The following MGAM2 variants were observed in gnomAD, a reference collection of about 807,000 sequenced individuals.
The protein encoded by MGAM2 is maltase-glucoamylase 2 (putative).
In MGAM2, 98 loss-of-function variants were observed where a neutral mutation model predicts 96.1. The ratio of observed to expected loss-of-function variants is 1.02; its 90% confidence interval spans 0.87 to 1.21. The LOEUF (loss-of-function observed/expected upper bound fraction) is 1.21, where lower values mean the gene tolerates loss of function less well. MGAM2 is among the 50% of genes most tolerant of loss of function. MGAM2 has a pLI of 0.00. For synonymous variants in MGAM2, 749 were observed against 414.8 expected (o/e 1.81, Z -9.79); for missense variants, 2,055 against 1,182.4 (o/e 1.74, Z -10.82).
intron 35 of MGAM2, 25 bp from the exon 36 acceptor site, chr7:142,187,725 A>T: frequency 1.4e-6 from 1 of 701,728 alleles, no homozygotes; most frequent in Non-Finnish European, 2.6e-6. Flanking sequence ...ACATGACGAG[A>T]TCTTTTTTTG....
chr7:142,132,386 A>G (rs1216246684), intron 6 of MGAM2, among the ~76,000 whole-genome samples: 2 of 143,108 alleles, frequency 1.4e-5, no homozygotes, highest in East Asian at 4.0e-4. Context: ...TATAATTTAT[A>G]TAATATATAA....
rs1242809327 is a variant in MGAM2 at position 142,166,347 on chromosome 7, G to C, written c.2808+94G>C. The C allele has an allele frequency of 1.0e-5, 6 of 574,334 alleles. No individual in the cohort carries two copies. The African/African-American group carries it at 1.1e-4, about 11-fold the overall frequency. The allele number at this position is 574,334 out of a possible 1,614,324, so 35.6% of individuals were successfully genotyped here. A position where few individuals can be genotyped will look rare whatever the true frequency, so the allele number is the denominator to read the frequency against. Reference sequence around the variant, plus strand: ...ATGTCTGTGGCTTGAAGAAAACCAGGACCCTGTGCAACACGCCTTTTGCCA... The same window carrying C: ...ATGTCTGTGGCTTGAAGAAAACCAGCACCCTGTGCAACACGCCTTTTGCCA... On this transcript the variant is annotated intron_variant, in intron 25 of 47. Coordinates refer to ENST00000477922, the MANE Select transcript of MGAM2 (RefSeq NM_001293626.2).
intron 2 of MGAM2, among the ~76,000 whole-genome samples, chr7:142,119,313 T>C (rs2129074036): frequency 6.6e-6 from 1 of 152,290 alleles, no homozygotes; most frequent in East Asian, 1.9e-4. Context: ...ACTAAACCCA[T>C]GAAAGTATAT....
chr7:142,167,131 C>CT (rs1311866913), intron 25 of MGAM2, 137 bp from the exon 26 acceptor site: 1 of 571,530 alleles, frequency 1.7e-6, no homozygotes, highest in East Asian at 2.8e-5. Flanking sequence ...GACTTAACAT[C>CT]TTTTTTAGGG....
Position 142,198,753 on chromosome 7 carries a change from G to A in MGAM2, c.5048+14G>A, listed in dbSNP as rs1307511814. 5 of 702,326 alleles carry A rather than the reference G, an allele frequency of 7.1e-6. No homozygotes were observed. The highest frequency in any genetic ancestry group is 1.3e-5 in the Non-Finnish European group (5 of 384,480). The allele number at this position is 702,326 out of a possible 1,614,324, so 43.5% of individuals were successfully genotyped here. A position where few individuals can be genotyped will look rare whatever the true frequency, so the allele number is the denominator to read the frequency against. The stretch of plus-strand genomic sequence containing the variant: ...CACTCACTCCAGGTGAGGAGAAGAG[G>A]CAATGTCTAACAGCCTCTTGCTATA... On this transcript the variant is annotated intron_variant, in intron 44 of 47. Coordinates refer to ENST00000477922, the MANE Select transcript of MGAM2 (RefSeq NM_001293626.2).
chr7:142,129,242 C>A (rs1028204818), intron 3 of MGAM2, among the ~76,000 whole-genome samples: 4 of 152,174 alleles, frequency 2.6e-5, no homozygotes, highest in Non-Finnish European at 5.9e-5. Context: ...AATGCCTGTA[C>A]CCCATTGTAT....
chr7:142,194,101 C>G (rs4637731), intron 37 of MGAM2, among the ~76,000 whole-genome samples: 65,703 of 151,064 alleles, frequency 0.43, 14,588 homozygotes, highest in East Asian at 0.66. Flanking sequence ...GGCACGATTT[C>G]GACTCACTGC....
chr7:142,207,207 C>T (rs1797428492), intron 45 of MGAM2, among the ~76,000 whole-genome samples: 1 of 151,938 alleles, frequency 6.6e-6, no homozygotes, highest in Non-Finnish European at 1.5e-5. Flanking sequence ...AGGAGTATTT[C>T]AAAGGAGAGG....
At chr7:142,216,407 T>C (rs1245749181) in intron 46 of MGAM2, among the ~76,000 whole-genome samples, 2 of 152,200 alleles carry the variant, frequency 1.3e-5, no homozygotes, top group Non-Finnish European at 2.9e-5. Context: ...AACTTCAAAA[T>C]TCCATTTTTC....
At chr7:142,171,586 T>G (rs1347581468) in intron 28 of MGAM2, 146 bp downstream of exon 28, 1 of 391,770 alleles carries the variant, frequency 2.6e-6, no homozygotes, top group African/African-American at 2.4e-5. Flanking sequence ...ACGTGTCACA[T>G]TCTTTTGTCC....
intron 28 of MGAM2, among the ~76,000 whole-genome samples, chr7:142,171,646 A>ATC (rs1796194359): frequency 5.5e-5 from 5 of 90,864 alleles, no homozygotes; most frequent in African/African-American, 2.6e-4. Flanking sequence ...ATATATATAT[A>ATC]TATATATATC....
chr7:142,138,872 T>G lies in MGAM2; in HGVS notation c.1086+205T>G, dbSNP rs796941574. On this transcript the variant is annotated intron_variant, in intron 10 of 47. Transcript: ENST00000477922. ...AAGCCTGATAGAGGTGGCTTTGAAT[T>G]TTAGCTTTACCTCTTCATAGCTCTG... Among the ~76,000 whole-genome samples the G allele has an allele frequency of 4.5e-4, 68 of 152,280 alleles. 1 individual carries two copies. The highest frequency in any genetic ancestry group is 1.6e-3 in the African/African-American group (67 of 41,552).
intron 1 of MGAM2, among the ~76,000 whole-genome samples, chr7:142,114,897 A>G (rs749110587): frequency 3.3e-5 from 5 of 152,160 alleles, no homozygotes; most frequent in African/African-American, 7.2e-5. Flanking sequence ...TAATAGAGTC[A>G]GGCCTGAAAA....
Position 142,140,874 on chromosome 7 carries a change from G to A in MGAM2, c.1159G>A (p.Gly387Ser), listed in dbSNP as rs746481569. ...CACTGTTGATGAAGTCGCTTACTCT[G>A]GTCTCCCAGATTTTGTCAAGGAGTT... ...DFTVDEVAYS[G>S]LPDFVKELHD... The change falls in exon 11 of 48, where the codon GGT becomes AGT. Residue 387 changes from glycine (G) to serine (S), a missense_variant. By Grantham distance (56) the Gly-to-Ser change is moderately conservative. Transcript: ENST00000477922. The A allele has an allele frequency of 1.1e-5, 8 of 702,830 alleles. No individual in the cohort carries two copies. The highest frequency in any genetic ancestry group is 4.6e-4 in the Middle Eastern group (2 of 4,370). The allele number at this position is 702,830 out of a possible 1,614,324, so 43.5% of individuals were successfully genotyped here.
chr7:142,195,345 CTTTTTTTT>C lies in MGAM2; in HGVS notation c.4347-788_4347-781del, dbSNP rs1013124747. 8.6e-5 allele frequency among the ~76,000 whole-genome samples: 6 copies of C among 70,008 alleles called. No individual in the cohort carries two copies. The South Asian group carries it at 2.6e-3, about 31-fold the overall frequency. The allele number at this position is 70,008 out of a possible 152,430, so 45.9% of individuals were successfully genotyped here. ...TTCTGTGCCTGGCCTCCTTTTTACT[CTTTTTTTT>C]TTTTTTTTTTTTTTTTTTTTGAGAC... is the stretch of plus-strand genomic sequence containing the variant. On this transcript the variant is annotated intron_variant, in intron 37 of 47. Coordinates refer to ENST00000477922, the MANE Select transcript of MGAM2 (RefSeq NM_001293626.2).
intron 29 of MGAM2, 28 bp downstream of exon 29, chr7:142,172,222 C>T: frequency 1.4e-6 from 1 of 697,174 alleles, no homozygotes; most frequent in South Asian, 1.5e-5. Context: ...CTCCCATGCA[C>T]CACCAGAAAC....
At position 142,172,780 on chromosome 7, in the gene MGAM2, G is replaced by C; in HGVS notation, c.3561+16G>C. ...ATACACAGAGGTTAGAAGCCATTCT[G>C]TCCATCAATATATTGTCAAATATTT... On this transcript the variant is annotated intron_variant, in intron 30 of 47. Coordinates refer to ENST00000477922, the MANE Select transcript of MGAM2 (RefSeq NM_001293626.2). The C allele has an allele frequency of 1.4e-6, 1 of 690,508 alleles. No homozygotes were observed. Among genetic ancestry groups the C allele is most frequent in the Admixed American group, 2.1e-5 (1 of 46,804 alleles). The allele number at this position is 690,508 out of a possible 1,614,324, so 42.8% of individuals were successfully genotyped here. A position where few individuals can be genotyped will look rare whatever the true frequency, so the allele number is the denominator to read the frequency against.
intron 3 of MGAM2, among the ~76,000 whole-genome samples, chr7:142,128,399 A>C (rs536495350): frequency 6.6e-6 from 1 of 152,372 alleles, no homozygotes; most frequent in Admixed American, 6.5e-5. Flanking sequence ...CCAGCTGCAG[A>C]AATTTACATA....
intron 45 of MGAM2, among the ~76,000 whole-genome samples, chr7:142,207,694 G>A (rs1463550568): frequency 1.3e-5 from 2 of 152,120 alleles, no homozygotes; most frequent in African/African-American, 4.8e-5. Context: ...CTCCCAAAAT[G>A]CTGGGATTAC....
Sources: gnomAD v4.1 joint callset for allele counts (sites outside exome capture counted in the v4.1 genomes callset) on GRCh38, gnomAD v4.1.1 for gene constraint, MANE v1.5 for transcripts, NCBI Gene and HGNC (gene_info 2026-07-23, HGNC 2026-07-21) for gene names.